The following KLHL20 variants were observed in gnomAD, a reference collection of about 807,000 sequenced individuals.
KLHL20 encodes the protein kelch-like protein 20.
A neutral mutation model predicts 69.5 loss-of-function variants in KLHL20; 29 were observed. The ratio of observed to expected loss-of-function variants is 0.42; its 90% CI spans 0.31 to 0.57. The LOEUF is 0.57. KLHL20 is among the 20% of genes least tolerant of loss of function. KLHL20 has a pLI of 0.18. For synonymous variants in KLHL20, 253 were observed against 265.2 expected (o/e 0.95, Z 0.45); for missense variants, 419 against 776.0 (o/e 0.54, Z 5.47).
At chr1:173,744,770 GT>G (rs1238457686) in intron 3 of KLHL20, among the ~76,000 whole-genome samples, 1 of 152,020 alleles carries the variant, frequency 6.6e-6, no homozygotes, top group Non-Finnish European at 1.5e-5. Context: ...TATGTACTTG[GT>G]TTTGGACCTT....
At chr1:173,755,449 T>C (rs939256078) in intron 5 of KLHL20, among the ~76,000 whole-genome samples, 5 of 152,220 alleles carry the variant, frequency 3.3e-5, no homozygotes, top group Admixed American at 1.3e-4. Flanking sequence ...ACCATTCATA[T>C]GTTACCAGAT....
intron 3 of KLHL20, among the ~76,000 whole-genome samples, chr1:173,744,184 A>G (rs987296684): frequency 6.6e-6 from 1 of 152,254 alleles, no homozygotes; most frequent in East Asian, 1.9e-4. Context: ...AATTTTTGCT[A>G]ATTTAACAGA....
chr1:173,757,171 C>A lies in KLHL20; in HGVS notation c.1151+12C>A. ...AATAGTGTTGAAAGGTGAGTAAGGT[C>A]AATCTGTAATTTTCTCTCTACTATT... On this transcript the variant is annotated intron_variant, in intron 7 of 11. Transcript: ENST00000209884. The A allele has an allele frequency of 6.3e-7, 1 of 1,588,412 alleles. No individual in the cohort carries two copies. Among genetic ancestry groups the A allele is most frequent in the South Asian group, 1.1e-5 (1 of 88,004 alleles).
intron 10 of KLHL20, among the ~76,000 whole-genome samples, chr1:173,778,200 T>C (rs1176908850): frequency 6.6e-6 from 1 of 152,160 alleles, no homozygotes; most frequent in Non-Finnish European, 1.5e-5. Context: ...TAGGTATTTC[T>C]CCTAACGCTA....
rs531610034 is a variant in KLHL20 at position 173,720,869 on chromosome 1, T to A, written c.23+4803T>A. ...AGCCAAGAATAGATTCTGTTTCATA[T>A]ACTTTAAGATTATTGTGTTTAGGAA... is the stretch of plus-strand genomic sequence containing the variant. On this transcript the variant is annotated intron_variant, in intron 2 of 11. Transcript: ENST00000209884. Among the ~76,000 whole-genome samples the A allele has an allele frequency of 1.3e-3, 199 of 152,242 alleles. 2 individuals are homozygous for A. The highest frequency in any genetic ancestry group is 4.4e-3 in the African/African-American group (182 of 41,542).
At chr1:173,751,157 G>A (rs1228634073) in intron 3 of KLHL20, among the ~76,000 whole-genome samples, 1 of 152,120 alleles carries the variant, frequency 6.6e-6, no homozygotes, top group Admixed American at 6.6e-5. Flanking sequence ...TAGGTGGCTG[G>A]CCTGTACAAC....
chr1:173,778,294 G>A (rs984674621), intron 10 of KLHL20, among the ~76,000 whole-genome samples: 1 of 150,046 alleles, frequency 6.7e-6, no homozygotes, highest in Admixed American at 6.7e-5. Flanking sequence ...GTTCAATTCC[G>A]CTGGGAGATT....
Position 173,715,993 on chromosome 1 carries a change from G to A in KLHL20, c.-41-10G>A, listed in dbSNP as rs561472158. 6.3e-7 allele frequency: 1 copy of A among 1,587,730 alleles called. No individual in the cohort carries two copies. The highest frequency in any genetic ancestry group is 8.6e-7 in the Non-Finnish European group (1 of 1,163,110). ...GCTTTTATTAAGTTCCTGCTTTTCT[G>A]TTGTCTTAGGTTCGGCTTTAGAGTG... On this transcript the variant is annotated splice_polypyrimidine_tract_variant and intron_variant, in intron 1 of 11. Transcript: ENST00000209884.
chr1:173,751,741 T>C, intron 3 of KLHL20, 23 bp from the exon 4 acceptor site: 1 of 1,610,452 alleles, frequency 6.2e-7, no homozygotes, highest in Non-Finnish European at 8.5e-7. Flanking sequence ...GATTTTTTTT[T>C]CTTCTTACCT....
intron 8 of KLHL20, 29 bp downstream of exon 8, chr1:173,766,318 AT>A: frequency 6.4e-7 from 1 of 1,559,194 alleles, no homozygotes; most frequent in Non-Finnish European, 8.6e-7. Context: ...CATTTTCCGT[AT>A]TTTTATTTTA....
intron 7 of KLHL20, among the ~76,000 whole-genome samples, chr1:173,765,408 C>T (rs1047046035): frequency 1.3e-5 from 2 of 151,934 alleles, no homozygotes; most frequent in South Asian, 2.1e-4. Context: ...GAGGCTGACG[C>T]AGGAGAATGG....
chr1:173,717,560 A>G (rs1318768927), intron 2 of KLHL20, among the ~76,000 whole-genome samples: 1 of 152,228 alleles, frequency 6.6e-6, no homozygotes, highest in Non-Finnish European at 1.5e-5. Context: ...TTAACCCAGA[A>G]GGCAGTCTCT....
At chr1:173,742,977 A>C (rs1343247209) in intron 3 of KLHL20, among the ~76,000 whole-genome samples, 1 of 151,850 alleles carries the variant, frequency 6.6e-6, no homozygotes, top group Admixed American at 6.6e-5. Flanking sequence ...GAACTAAAAA[A>C]TCAATGTCAA....
At chr1:173,780,597 T>C (rs1482170581) in intron 10 of KLHL20, among the ~76,000 whole-genome samples, 1 of 152,158 alleles carries the variant, frequency 6.6e-6, no homozygotes, top group Non-Finnish European at 1.5e-5. Context: ...GGGCAACATG[T>C]GGGACCCCAT....
chr1:173,765,332 T>C (rs1345183462), intron 7 of KLHL20, among the ~76,000 whole-genome samples: 1 of 151,980 alleles, frequency 6.6e-6, no homozygotes, highest in East Asian at 1.9e-4. Flanking sequence ...TGAAACCCCG[T>C]CTCTACTAAA....
chr1:173,779,668 A>G (rs368473057), intron 10 of KLHL20, among the ~76,000 whole-genome samples: 12 of 152,092 alleles, frequency 7.9e-5, no homozygotes, highest in African/African-American at 2.9e-4. Context: ...TTTATCCTGT[A>G]TCCATTGCTT....
intron 2 of KLHL20, among the ~76,000 whole-genome samples, chr1:173,730,464 A>C (rs1672212390): frequency 1.3e-5 from 2 of 151,722 alleles, no homozygotes; most frequent in Admixed American, 6.6e-5. Flanking sequence ...ACCTGACTTC[A>C]AACTATACTA....
At chr1:173,757,279 C>A in intron 7 of KLHL20, 120 bp downstream of exon 7, 1 of 916,360 alleles carries the variant, frequency 1.1e-6, no homozygotes, top group Non-Finnish European at 1.6e-6. Context: ...AGTTGGCAAC[C>A]TAAACAAGTT....
chr1:173,748,217 C>G (rs1387803253), intron 3 of KLHL20, among the ~76,000 whole-genome samples: 1 of 151,980 alleles, frequency 6.6e-6, no homozygotes, highest in Non-Finnish European at 1.5e-5. Context: ...GTGAATTTAT[C>G]AAAAATGTAA....
Sources: allele counts gnomAD v4.1 joint callset (sites outside exome capture counted in the v4.1 genomes callset), GRCh38; gene constraint gnomAD v4.1.1; transcripts MANE v1.5; gene names NCBI Gene and HGNC (gene_info 2026-07-23, HGNC 2026-07-21).